GMDS: variants seen among roughly 807,000 people sequenced by gnomAD.
GMDS encodes GDP-mannose 4,6-dehydratase, also known as GDP-mannose 4,6 dehydratase.
Under a neutral mutation model 49.9 loss-of-function variants are expected in GMDS, and 20 were observed. The ratio of observed to expected loss-of-function variants is 0.40; its 90% CI spans 0.28 to 0.58. The LOEUF (loss-of-function observed/expected upper bound fraction) is 0.58. GMDS is among the 20% of genes least tolerant of loss of function. GMDS has a pLI of 0.42. For missense variants in GMDS, 362 were observed against 481.4 expected (o/e 0.75, Z 2.32); for synonymous variants, 177 against 178.6 (o/e 0.99, Z 0.07).
chr6:2,056,322 G>A (rs189849436), intron 4 of GMDS, among the ~76,000 whole-genome samples: 308 of 152,286 alleles, frequency 2.0e-3, no homozygotes, highest in African/African-American at 7.3e-3. Flanking sequence ...CAGTAAGGCA[G>A]GATTCAAAGA....
At chr6:2,053,431 C>A (rs550774292) in intron 4 of GMDS, among the ~76,000 whole-genome samples, 24 of 152,166 alleles carry the variant, frequency 1.6e-4, no homozygotes, top group African/African-American at 5.8e-4. Flanking sequence ...ATGGCATATA[C>A]ACAATGCAGC....
intron 1 of GMDS, among the ~76,000 whole-genome samples, chr6:2,147,238 G>A (rs1776600651): frequency 6.6e-6 from 1 of 152,094 alleles, no homozygotes; most frequent in Non-Finnish European, 1.5e-5. Context: ...GTTACCGGTT[G>A]GCCAAAATGC....
chr6:2,111,437 A>G (rs1027582097), intron 4 of GMDS, among the ~76,000 whole-genome samples: 3 of 152,226 alleles, frequency 2.0e-5, no homozygotes, highest in Admixed American at 6.5e-5. Flanking sequence ...ATGATTCAGA[A>G]AAATGTCTTC....
intron 1 of GMDS, among the ~76,000 whole-genome samples, chr6:2,205,725 A>G (rs1263739319): frequency 6.6e-6 from 1 of 152,022 alleles, no homozygotes; most frequent in East Asian, 1.9e-4. Flanking sequence ...ACAGATTGCT[A>G]CAAGTTGGAC....
intron 1 of GMDS, among the ~76,000 whole-genome samples, chr6:2,223,638 G>A (rs997277715): frequency 1.9e-4 from 29 of 152,232 alleles, no homozygotes; most frequent in Admixed American, 1.8e-3. Flanking sequence ...TGAGGAGTGA[G>A]GGGAAAGGAG....
chr6:2,105,181 CAAAAAAAAAAA>C (rs530164439), intron 4 of GMDS, among the ~76,000 whole-genome samples: 1 of 64,422 alleles, frequency 1.6e-5, no homozygotes, highest in Admixed American at 1.8e-4. Flanking sequence ...GACTCCGTCT[CAAAAAAAAAAA>C]AAAAAAAAAA....
chr6:1,655,520 T>C (rs60224103), intron 9 of GMDS, among the ~76,000 whole-genome samples: 10,838 of 77,912 alleles, frequency 0.14, 453 homozygotes, highest in East Asian at 0.42. Context: ...CACACACACA[T>C]ATTTTTTTTT....
Position 2,052,127 on chromosome 6 carries a change from AAAAG to A in GMDS, c.345+63640_345+63643del, listed in dbSNP as rs1187850726. Among the ~76,000 whole-genome samples, 412 of 139,518 alleles carry A rather than the reference AAAAG, an allele frequency of 3.0e-3. 20 individuals are homozygous for A. Among genetic ancestry groups the A allele is most frequent in the East Asian group, 0.019 (88 of 4,696 alleles). The allele number at this position is 139,518 out of a possible 152,430, so 91.5% of individuals were successfully genotyped here. On this transcript the variant is annotated intron_variant, in intron 4 of 10. Transcript: ENST00000380815. ...GCAAGACTCTGTCTCAAAAAAAAAA[AAAAG>A]AAAAAAAAAAAACAGAAAAGAAAAA...
At position 2,245,546 on chromosome 6, in the gene GMDS, G is replaced by A. The variant is rs1052783063; in HGVS notation, c.-124C>T. The A allele has an allele frequency of 5.5e-5, 26 of 475,100 alleles. No homozygotes were observed. The highest frequency in any genetic ancestry group is 9.0e-5 in the Non-Finnish European group (26 of 290,028). 29.4% of individuals were successfully genotyped at this position (475,100 alleles called of 1,614,324 possible). A position where few individuals can be genotyped will look rare whatever the true frequency, so the allele number is the denominator to read the frequency against. ...TCCAGGCTGCGGGCAGGGAGGGAGA[G>A]CGCACCGCGCGACCGGCCGCCACAG... On this transcript the variant is annotated 5_prime_UTR_variant, in exon 1 of 11. Coordinates refer to ENST00000380815, the MANE Select transcript of GMDS (RefSeq NM_001500.4).
intron 2 of GMDS, among the ~76,000 whole-genome samples, chr6:2,123,881 T>C (rs1376165998): frequency 6.6e-6 from 1 of 152,218 alleles, no homozygotes; most frequent in Non-Finnish European, 1.5e-5. Context: ...CTTCAAATAA[T>C]GTTGGCATTT....
intron 9 of GMDS, among the ~76,000 whole-genome samples, chr6:1,713,519 C>G (rs1766054867): frequency 6.6e-6 from 1 of 152,244 alleles, no homozygotes; most frequent in Non-Finnish European, 1.5e-5. Flanking sequence ...GACGGCCATC[C>G]CCATCCTACC....
At chr6:1,806,169 C>A (rs1770168264) in intron 7 of GMDS, among the ~76,000 whole-genome samples, 1 of 152,090 alleles carries the variant, frequency 6.6e-6, no homozygotes, top group Non-Finnish European at 1.5e-5. Context: ...GGGTAATCAA[C>A]TTTTCTCTCC....
intron 9 of GMDS, among the ~76,000 whole-genome samples, chr6:1,674,557 T>A (rs1764539838): frequency 1.4e-5 from 1 of 69,346 alleles, no homozygotes. Flanking sequence ...TCTCTCTCTC[T>A]CTCTTTTTTT....
intron 4 of GMDS, among the ~76,000 whole-genome samples, chr6:2,105,763 C>G (rs924647601): frequency 3.3e-5 from 5 of 152,180 alleles, no homozygotes; most frequent in Non-Finnish European, 7.4e-5. Context: ...AACTCAGGAA[C>G]AGGTTTTTTT....
At chr6:1,677,570 G>C (rs1292332578) in intron 9 of GMDS, among the ~76,000 whole-genome samples, 3 of 152,068 alleles carry the variant, frequency 2.0e-5, no homozygotes, top group Non-Finnish European at 4.4e-5. Flanking sequence ...TGATAGACTG[G>C]ATTAAGAAAA....
chr6:2,091,875 G>A (rs556442667), intron 4 of GMDS, among the ~76,000 whole-genome samples: 8 of 151,668 alleles, frequency 5.3e-5, no homozygotes, highest in Admixed American at 3.3e-4. Flanking sequence ...CAACCTGGGC[G>A]ACAGAGCAAG....
rs186252607 is a variant in GMDS, at chr6:2,157,034, C to T, written c.103-32303G>A. ...AATAAACTTTTATTCCTTCATATTC[C>T]AGAGGAATTTACCTTTTGTAAAAAG... On this transcript the variant is annotated intron_variant, in intron 1 of 10. Transcript: ENST00000380815. Among the ~76,000 whole-genome samples the T allele has an allele frequency of 9.7e-4, 147 of 152,082 alleles. 1 individual carries two copies. The highest frequency in any genetic ancestry group is 3.5e-3 in the African/African-American group (144 of 41,474).
chr6:1,924,100 C>A (rs1280410765), intron 7 of GMDS, among the ~76,000 whole-genome samples: 2 of 152,264 alleles, frequency 1.3e-5, no homozygotes, highest in Admixed American at 1.3e-4. Flanking sequence ...TCGGCAAGAT[C>A]TGACAGCTGT....
chr6:1,736,615 T>C (rs933502543), intron 8 of GMDS, among the ~76,000 whole-genome samples: 4 of 152,206 alleles, frequency 2.6e-5, no homozygotes, highest in African/African-American at 9.6e-5. Context: ...CTCCACCTGG[T>C]CACAGCATGG....
Sources: gnomAD v4.1 joint callset for allele counts (sites outside exome capture counted in the v4.1 genomes callset) on GRCh38, gnomAD v4.1.1 for gene constraint, MANE v1.5 for transcripts, NCBI Gene and HGNC (gene_info 2026-07-23, HGNC 2026-07-21) for gene names.